The following SPAG16 variants were observed in gnomAD, a reference collection of about 807,000 sequenced individuals.
The protein encoded by SPAG16 is sperm associated antigen 16.
In SPAG16, 86 loss-of-function variants were observed where a neutral mutation model predicts 80.4. That is an observed-to-expected ratio of 1.07 (90% CI 0.90 to 1.28). The LOEUF is 1.28. SPAG16 is among the 50% of genes most tolerant of loss of function. The probability of loss-of-function intolerance (pLI) is 0.00; values close to 1 mark genes in which losing one functional copy is unlikely to be tolerated. For missense variants in SPAG16, 870 were observed against 765.3 expected (o/e 1.14, Z -1.61); for synonymous variants, 294 against 265.9 (o/e 1.11, Z -1.03).
chr2:214,122,374 A>T (rs55994306), intron 14 of SPAG16, among the ~76,000 whole-genome samples: 11,661 of 151,832 alleles, frequency 0.077, 1,212 homozygotes, highest in East Asian at 0.45. Context: ...GCTTTTCCTA[A>T]GTTGCCGGTA....
chr2:214,292,684 A>G lies in SPAG16; in HGVS notation c.1721-117456A>G, dbSNP rs183680422. ...TTTGATTGGGATATGTTGTTAGAAAATTATATTTTTGGGAGGTGTCATATT... is the reference window on the plus strand; with the variant it reads ...TTTGATTGGGATATGTTGTTAGAAAGTTATATTTTTGGGAGGTGTCATATT... On this transcript the variant is annotated intron_variant, in intron 15 of 15. Coordinates refer to ENST00000331683, the MANE Select transcript of SPAG16 (RefSeq NM_024532.5). 2.0e-5 allele frequency among the ~76,000 whole-genome samples: 3 copies of G among 152,250 alleles called. No homozygotes were observed. The East Asian group carries it at 5.8e-4, about 29-fold the overall frequency.
intron 10 of SPAG16, among the ~76,000 whole-genome samples, chr2:213,742,507 A>G (rs1001354827): frequency 6.6e-6 from 1 of 151,170 alleles, no homozygotes; most frequent in African/African-American, 2.4e-5. Context: ...ATACCTCTAC[A>G]GGTACACTCT....
At chr2:213,903,937 G>C (rs993754736) in intron 11 of SPAG16, among the ~76,000 whole-genome samples, 3 of 152,058 alleles carry the variant, frequency 2.0e-5, no homozygotes, top group African/African-American at 7.2e-5. Context: ...AAACATAATA[G>C]CCTCTTTGCT....
intron 12 of SPAG16, among the ~76,000 whole-genome samples, chr2:213,964,700 T>C (rs1414469038): frequency 6.7e-6 from 1 of 149,270 alleles, no homozygotes; most frequent in Non-Finnish European, 1.5e-5. Context: ...GAACTCAAAA[T>C]AGAATAAAAA....
At chr2:213,492,685 GTTTT>G (rs11421804) in intron 10 of SPAG16, among the ~76,000 whole-genome samples, 2 of 136,324 alleles carry the variant, frequency 1.5e-5, no homozygotes. Context: ...AAAGAAAGTT[GTTTT>G]TTTTTTTTTT....
chr2:213,722,046 A>G (rs1199029286), intron 10 of SPAG16, among the ~76,000 whole-genome samples: 3 of 152,230 alleles, frequency 2.0e-5, no homozygotes. Context: ...TGGAATTACC[A>G]AAGAAGTGTA....
intron 11 of SPAG16, among the ~76,000 whole-genome samples, chr2:213,891,402 T>A (rs905623808): frequency 2.0e-4 from 31 of 152,244 alleles, no homozygotes; most frequent in African/African-American, 7.2e-4. Context: ...CCATAATACC[T>A]AATACCTAAG....
chr2:213,871,457 T>C (rs2075941106), intron 11 of SPAG16, among the ~76,000 whole-genome samples: 2 of 151,990 alleles, frequency 1.3e-5, no homozygotes, highest in Admixed American at 6.6e-5. Flanking sequence ...ATAGAAAAGC[T>C]GGAGAGTGAA....
At chr2:213,586,007 A>C (rs2060460385) in intron 10 of SPAG16, among the ~76,000 whole-genome samples, 1 of 152,226 alleles carries the variant, frequency 6.6e-6, no homozygotes, top group Non-Finnish European at 1.5e-5. Context: ...GTGGTGATGA[A>C]TATACTGACG....
At chr2:214,275,970 G>A (rs1692434661) in intron 15 of SPAG16, among the ~76,000 whole-genome samples, 1 of 152,096 alleles carries the variant, frequency 6.6e-6, no homozygotes. Flanking sequence ...TATGCATCTG[G>A]GTGCTCCTGT....
chr2:213,606,255 G>C (rs541272859), intron 10 of SPAG16, among the ~76,000 whole-genome samples: 1 of 152,292 alleles, frequency 6.6e-6, no homozygotes, highest in East Asian at 1.9e-4. Context: ...AAGCTGATGT[G>C]CACATTCGTG....
Position 214,108,227 on chromosome 2 carries a change from T to A in SPAG16, c.1559T>A (p.Met520Lys). ...TGTGAGCAGTCACTTTATGGTCACA[T>A]GCATTCTATCAATGATGCCATTTTT... ...GICEQSLYGH[M>K]HSINDAIFDP... Residue 520 changes from methionine (M) to lysine (K), a missense_variant, in exon 14 of 16, where the codon ATG becomes AAG. Physicochemically the swap from Met to Lys is moderately conservative, Grantham distance 95. Coordinates refer to ENST00000331683, the MANE Select transcript of SPAG16 (RefSeq NM_024532.5). The A allele has an allele frequency of 6.2e-7, 1 of 1,602,936 alleles. No homozygotes were observed. The highest frequency in any genetic ancestry group is 8.5e-7 in the Non-Finnish European group (1 of 1,171,728).
chr2:214,378,475 T>C (rs1266749426), intron 15 of SPAG16, among the ~76,000 whole-genome samples: 3 of 152,198 alleles, frequency 2.0e-5, no homozygotes, highest in Non-Finnish European at 4.4e-5. Context: ...TCACTGATGT[T>C]ATCCTGAAAC....
chr2:213,810,975 T>G, intron 10 of SPAG16, among the ~76,000 whole-genome samples: 1 of 152,298 alleles, frequency 6.6e-6, no homozygotes, highest in Admixed American at 6.5e-5. Context: ...AGCTGTTTGA[T>G]CCTTCTTCTG....
intron 15 of SPAG16, among the ~76,000 whole-genome samples, chr2:214,278,037 G>T (rs753583630): frequency 6.6e-6 from 1 of 152,194 alleles, no homozygotes; most frequent in African/African-American, 2.4e-5. Flanking sequence ...CCCCCTGCCA[G>T]GCTGCTGCCT....
At chr2:213,378,059 G>T (rs1441489728) in intron 9 of SPAG16, among the ~76,000 whole-genome samples, 14 of 152,044 alleles carry the variant, frequency 9.2e-5, no homozygotes, top group Admixed American at 9.2e-4. Flanking sequence ...GAAGAACTTG[G>T]AGTCTGATGT....
chr2:213,296,946 TGGG>T (rs1259507495), intron 2 of SPAG16: 1 of 634,726 alleles, frequency 1.6e-6, no homozygotes, highest in Admixed American at 4.8e-5. Context: ...GCACTTGAGA[TGGG>T]GCAAGAATGG....
At chr2:213,293,246 G>A (rs1297058581) in intron 1 of SPAG16, among the ~76,000 whole-genome samples, 1 of 152,142 alleles carries the variant, frequency 6.6e-6, no homozygotes, top group Non-Finnish European at 1.5e-5. Flanking sequence ...CAGCCATGCA[G>A]AACTATGAGT....
chr2:214,404,581 A>T (rs1326397860), intron 15 of SPAG16, among the ~76,000 whole-genome samples: 1 of 152,212 alleles, frequency 6.6e-6, no homozygotes, highest in African/African-American at 2.4e-5. Flanking sequence ...GAATCATTTC[A>T]GTGGTCCTAG....
Sources: allele counts gnomAD v4.1 joint callset (sites outside exome capture counted in the v4.1 genomes callset), GRCh38; gene constraint gnomAD v4.1.1; transcripts MANE v1.5; gene names NCBI Gene and HGNC (gene_info 2026-07-23, HGNC 2026-07-21).